DNM3: variants seen among roughly 807,000 people sequenced by gnomAD.
DNM3 encodes the protein dynamin 3.
Under a neutral mutation model 101.6 loss-of-function variants are expected in DNM3, and 47 were observed. The ratio of observed to expected loss-of-function variants is 0.46; its 90% confidence interval spans 0.37 to 0.59. DNM3 has a LOEUF of 0.59. Ranked by LOEUF, DNM3 falls within the 20% of genes least tolerant of loss-of-function variation. The pLI is 0.00. For missense variants in DNM3, 849 were observed against 1,085.7 expected, an observed-to-expected ratio of 0.78 and a Z score of 3.06; for synonymous variants, 385 against 387.9, an observed-to-expected ratio of 0.99 and a Z score of 0.09.
intron 1 of DNM3, among the ~76,000 whole-genome samples, chr1:171,867,154 T>C (rs1195715326): frequency 1.3e-5 from 2 of 152,188 alleles, no homozygotes; most frequent in African/African-American, 4.8e-5. Context: ...GAGTGTGGCC[T>C]TTAGGGCAGG....
chr1:172,069,021 G>T (rs2125936433), intron 11 of DNM3, 116 bp downstream of exon 11: 3 of 725,318 alleles, frequency 4.1e-6, no homozygotes, highest in East Asian at 5.5e-5. Flanking sequence ...AAAAATAGTG[G>T]AACACAACTA....
chr1:172,387,288 C>T lies in DNM3; in HGVS notation c.2214C>T (p.Asp738=). The change falls in exon 19 of 21, where the codon GAC becomes GAT. Residue 738 remains aspartate (D), a synonymous_variant. Transcript: ENST00000627582. ...ALKEALGIIG[D]ISTATVSTPA... Reference sequence around the variant, plus strand: ...AAGAAGCCCTTGGGATAATTGGGGACATCAGCACAGCCACCGTGTCCACTC... The same window carrying T: ...AAGAAGCCCTTGGGATAATTGGGGATATCAGCACAGCCACCGTGTCCACTC... The T allele has an allele frequency of 6.2e-7, 1 of 1,613,910 alleles. No individual in the cohort carries two copies. Among genetic ancestry groups the T allele is most frequent in the Non-Finnish European group, 8.5e-7 (1 of 1,179,872 alleles).
chr1:172,346,217 A>C (rs188677026), intron 17 of DNM3, among the ~76,000 whole-genome samples: 65 of 152,334 alleles, frequency 4.3e-4, no homozygotes, highest in African/African-American at 1.4e-3. Flanking sequence ...TTCAAAAGTA[A>C]GAATCAGGAA....
chr1:172,239,798 C>CT (rs369238528), intron 14 of DNM3, among the ~76,000 whole-genome samples: 1,536 of 106,740 alleles, frequency 0.014, 95 homozygotes, highest in African/African-American at 0.052. Context: ...CTTTTTTTTT[C>CT]TCTTTTTTTT....
chr1:172,179,026 T>G (rs2059254356), intron 14 of DNM3, among the ~76,000 whole-genome samples: 2 of 152,110 alleles, frequency 1.3e-5, no homozygotes, highest in Non-Finnish European at 1.5e-5. Flanking sequence ...AGGGCGGTGA[T>G]AGTAGTTATC....
chr1:172,200,224 G>A (rs688451), intron 14 of DNM3, among the ~76,000 whole-genome samples: 75,942 of 151,940 alleles, frequency 0.5, 21,015 homozygotes, highest in African/African-American at 0.75. Flanking sequence ...AGAATGTTGA[G>A]TATAGGCCCC....
intron 2 of DNM3, among the ~76,000 whole-genome samples, chr1:171,945,680 T>A (rs1175288310): frequency 1.3e-5 from 2 of 152,120 alleles, no homozygotes; most frequent in Non-Finnish European, 2.9e-5. Context: ...TACTGAAAAG[T>A]GTCTTCCTAA....
intron 14 of DNM3, among the ~76,000 whole-genome samples, chr1:172,208,490 A>G (rs1186569039): frequency 6.6e-6 from 1 of 152,216 alleles, no homozygotes; most frequent in African/African-American, 2.4e-5. Flanking sequence ...TTGAAGGCTA[A>G]GTCTGAGATC....
At chr1:171,906,402 A>G (rs1421544846) in intron 1 of DNM3, among the ~76,000 whole-genome samples, 1 of 152,016 alleles carries the variant, frequency 6.6e-6, no homozygotes, top group Non-Finnish European at 1.5e-5. Context: ...TCCTGAGATT[A>G]TAGGTGTGAG....
intron 15 of DNM3, among the ~76,000 whole-genome samples, chr1:172,275,145 TG>T (rs2063231844): frequency 6.6e-6 from 1 of 152,058 alleles, no homozygotes; most frequent in African/African-American, 2.4e-5. Flanking sequence ...TATGGTAGTG[TG>T]GGCTCATCAG....
At chr1:172,291,261 C>T (rs572429129) in intron 15 of DNM3, among the ~76,000 whole-genome samples, 8 of 146,084 alleles carry the variant, frequency 5.5e-5, no homozygotes, top group South Asian at 2.2e-4. Flanking sequence ...TGTGTGCACA[C>T]GCATACATGT....
At chr1:171,885,314 A>G (rs2036664232) in intron 1 of DNM3, among the ~76,000 whole-genome samples, 2 of 152,222 alleles carry the variant, frequency 1.3e-5, no homozygotes, top group African/African-American at 4.8e-5. Flanking sequence ...ACGGAAAAGT[A>G]AAATTTTTTA....
chr1:172,409,702 AAAAC>A lies in DNM3; in HGVS notation c.*1865_*1868del. 4 of 985,642 alleles carry A rather than the reference AAAAC, an allele frequency of 4.1e-6. No homozygotes were observed. Among genetic ancestry groups the A allele is most frequent in the Non-Finnish European group, 3.6e-6 (3 of 829,790 alleles). 61.1% of individuals were successfully genotyped at this position (985,642 alleles called of 1,614,324 possible). A position where few individuals can be genotyped will look rare whatever the true frequency, so the allele number is the denominator to read the frequency against. ...AAACTGTTAAGCAAACATCCATAGT[AAAAC>A]AAATAATCTTCAGTGAGATCTTTTT... On this transcript the variant is annotated 3_prime_UTR_variant, in exon 21 of 21. Transcript: ENST00000627582.
intron 2 of DNM3, among the ~76,000 whole-genome samples, chr1:171,977,998 AT>A (rs907647692): frequency 1.1e-4 from 17 of 151,856 alleles, no homozygotes; most frequent in African/African-American, 2.7e-4. Context: ...ATTTATAATC[AT>A]TTTTTTTCCC....
At chr1:172,043,749 C>T (rs947308837) in intron 8 of DNM3, among the ~76,000 whole-genome samples, 1 of 152,102 alleles carries the variant, frequency 6.6e-6, no homozygotes, top group Non-Finnish European at 1.5e-5. Flanking sequence ...GACAATGAAG[C>T]CGGAGAGGCC....
chr1:172,110,952 C>T (rs1262179455), intron 13 of DNM3, among the ~76,000 whole-genome samples: 1 of 152,176 alleles, frequency 6.6e-6, no homozygotes, highest in African/African-American at 2.4e-5. Context: ...GGAAGGATCC[C>T]CTGAGCCGGG....
At chr1:172,322,814 T>C (rs1156675015) in intron 16 of DNM3, among the ~76,000 whole-genome samples, 2 of 150,446 alleles carry the variant, frequency 1.3e-5, no homozygotes, top group Non-Finnish European at 2.9e-5. Flanking sequence ...CTCTGCTCTC[T>C]TTTCCTTCTT....
At chr1:172,182,851 A>G (rs966843411) in intron 14 of DNM3, among the ~76,000 whole-genome samples, 3 of 152,276 alleles carry the variant, frequency 2.0e-5, no homozygotes, top group African/African-American at 4.8e-5. Flanking sequence ...TTTTCCTGCA[A>G]TTGGTGACTT....
At chr1:172,272,697 T>C (rs1358340431) in intron 15 of DNM3, among the ~76,000 whole-genome samples, 1 of 152,172 alleles carries the variant, frequency 6.6e-6, no homozygotes, top group Non-Finnish European at 1.5e-5. Flanking sequence ...AGTATAATTC[T>C]GCAGATTAGA....
Sources: gnomAD v4.1 joint callset for allele counts (sites outside exome capture counted in the v4.1 genomes callset) on GRCh38, gnomAD v4.1.1 for gene constraint, MANE v1.5 for transcripts, NCBI Gene and HGNC (gene_info 2026-07-23, HGNC 2026-07-21) for gene names.